The following ATOSA variants were observed in gnomAD, a reference collection of about 807,000 sequenced individuals.
ATOSA encodes atos homolog A.
the ATOSA span, among the ~76,000 whole-genome samples, chr15:52,663,022 G>C: frequency 6.6e-6 from 1 of 152,138 alleles, no homozygotes; most frequent in Non-Finnish European, 1.5e-5. Context: ...ACTAGCAAAT[G>C]AATGAGGCTC....
At chr15:52,626,936 A>G in the ATOSA span, among the ~76,000 whole-genome samples, 1 of 152,168 alleles carries the variant, frequency 6.6e-6, no homozygotes, top group Admixed American at 6.5e-5. Flanking sequence ...TCCTTACTGT[A>G]AAACATGTTG....
the ATOSA span, among the ~76,000 whole-genome samples, chr15:52,648,189 T>C: frequency 6.6e-6 from 1 of 152,172 alleles, no homozygotes; most frequent in Non-Finnish European, 1.5e-5. Flanking sequence ...GTTTCGCACA[T>C]TCTTTCATTT....
chr15:52,701,125 GT>G, the ATOSA span, among the ~76,000 whole-genome samples: 1 of 152,164 alleles, frequency 6.6e-6, no homozygotes, highest in African/African-American at 2.4e-5. Flanking sequence ...TTAAAACAAG[GT>G]TGTACTAAAA....
chr15:52,608,589 T>A, the ATOSA span: 1 of 1,577,884 alleles, frequency 6.3e-7, no homozygotes, highest in Non-Finnish European at 8.6e-7. Context: ...TATTTTTTGG[T>A]TGCTCACATG....
chr15:52,597,193 C>T, the ATOSA span, among the ~76,000 whole-genome samples: 1 of 5,128 alleles, frequency 2.0e-4, no homozygotes, highest in African/African-American at 6.0e-4. Flanking sequence ...CTATTCTATT[C>T]TATTCTATTC....
chr15:52,674,979 T>G, the ATOSA span, among the ~76,000 whole-genome samples: 2 of 152,080 alleles, frequency 1.3e-5, no homozygotes, highest in Non-Finnish European at 2.9e-5. Flanking sequence ...CTGTGAGAAG[T>G]TGGAATTATT....
chr15:52,652,128 T>C, the ATOSA span: 6 of 1,298,942 alleles, frequency 4.6e-6, no homozygotes, highest in African/African-American at 6.0e-5. Flanking sequence ...CAACCTCCCC[T>C]GCTCGCTAGG....
the ATOSA span, chr15:52,656,195 T>G: frequency 4.6e-5 from 7 of 152,128 alleles, no homozygotes; most frequent in African/African-American, 1.7e-4. Context: ...TAATTTGTAA[T>G]GAAGACTAAG....
the ATOSA span, among the ~76,000 whole-genome samples, chr15:52,634,682 A>C: frequency 3.3e-5 from 5 of 151,226 alleles, no homozygotes; most frequent in Non-Finnish European, 5.9e-5. Flanking sequence ...GCTCACTGCA[A>C]CTTCTGCCTT....
the ATOSA span, among the ~76,000 whole-genome samples, chr15:52,627,130 T>A: frequency 6.6e-6 from 1 of 152,164 alleles, no homozygotes; most frequent in Admixed American, 6.5e-5. Flanking sequence ...GATAGACTCC[T>A]CTCTGCCAGA....
chr15:52,693,613 A>C, the ATOSA span, among the ~76,000 whole-genome samples: 1 of 152,208 alleles, frequency 6.6e-6, no homozygotes, highest in Non-Finnish European at 1.5e-5. Flanking sequence ...CTAATTAAAA[A>C]AATTAAAGAC....
the ATOSA span, among the ~76,000 whole-genome samples, chr15:52,618,101 C>A: frequency 6.6e-6 from 1 of 151,950 alleles, no homozygotes; most frequent in Non-Finnish European, 1.5e-5. Context: ...CGCAGTGACA[C>A]AATCTCAGCT....
the ATOSA span, among the ~76,000 whole-genome samples, chr15:52,691,883 G>C: frequency 6.6e-6 from 1 of 151,624 alleles, no homozygotes. Flanking sequence ...ATTGAAAAAC[G>C]AGTCAAAGAT....
At chr15:52,622,960 T>TATAAATAA in the ATOSA span, among the ~76,000 whole-genome samples, 71 of 136,168 alleles carry the variant, frequency 5.2e-4, 1 homozygote, top group Non-Finnish European at 5.2e-4. Flanking sequence ...CTGTCCCTAT[T>TATAAATAA]ATAAATAAAT....
At chr15:52,587,103 T>C in the ATOSA span, 12 of 1,610,930 alleles carry the variant, frequency 7.4e-6, no homozygotes, top group South Asian at 9.9e-5. Context: ...AAGTTCTATA[T>C]GTATGTGAGA....
the ATOSA span, chr15:52,678,836 G>C: frequency 2.0e-5 from 3 of 153,216 alleles, no homozygotes; most frequent in Non-Finnish European, 4.4e-5. Flanking sequence ...ACCGAGCGCC[G>C]CGTCTGCCCC....
At chr15:52,609,682 A>G in the ATOSA span, 1 of 1,613,688 alleles carries the variant, frequency 6.2e-7, no homozygotes, top group South Asian at 1.1e-5. Context: ...TTCTTGTGAA[A>G]CCCGGAAAAG....
At chr15:52,584,446 T>A in the ATOSA span, among the ~76,000 whole-genome samples, 6 of 152,164 alleles carry the variant, frequency 3.9e-5, no homozygotes, top group Non-Finnish European at 8.8e-5. Context: ...GCCCTCGTAT[T>A]ACATTTTTAA....
the ATOSA span, among the ~76,000 whole-genome samples, chr15:52,661,774 C>A: frequency 6.6e-6 from 1 of 152,114 alleles, no homozygotes; most frequent in East Asian, 1.9e-4. Context: ...GCCTGCAGAA[C>A]CAGCATTCAA....
Sources: allele counts gnomAD v4.1 joint callset (sites outside exome capture counted in the v4.1 genomes callset), GRCh38; gene constraint gnomAD v4.1.1; transcripts MANE v1.5; gene names NCBI Gene and HGNC (gene_info 2026-07-23, HGNC 2026-07-21).